RPS6KA2: variants seen among roughly 807,000 people sequenced by gnomAD.
RPS6KA2 encodes ribosomal protein S6 kinase A2.
RPS6KA2 carries 42 observed loss-of-function variants against 91.8 expected under a neutral mutation model. The observed-to-expected ratio is 0.46, with a 90% CI of 0.36 to 0.59. The LOEUF (loss-of-function observed/expected upper bound fraction) is 0.59, where lower values mean the gene tolerates loss of function less well. Ranked by LOEUF, RPS6KA2 falls within the 20% of genes least tolerant of loss-of-function variation. RPS6KA2 has a pLI of 0.00. For synonymous variants in RPS6KA2, 414 were observed against 393.6 expected (o/e 1.05, Z -0.61); for missense variants, 798 against 978.5 (o/e 0.82, Z 2.46).
chr6:166,853,577 T>G (rs1780803258), intron 2 of RPS6KA2, among the ~76,000 whole-genome samples: 2 of 152,158 alleles, frequency 1.3e-5, no homozygotes, highest in East Asian at 3.9e-4. Context: ...CAGAGGAGGC[T>G]GGCCGAGCGC....
intron 2 of RPS6KA2, among the ~76,000 whole-genome samples, chr6:166,798,182 GGAATTTGCTGGTCAAGCTCTTC>G (rs756386768): frequency 6.6e-6 from 1 of 152,206 alleles, no homozygotes; most frequent in Non-Finnish European, 1.5e-5. Context: ...ATTGAACAAT[GGAATTTGCTGGTCAAGCTCTTC>G]AGAGCCCAAT....
At chr6:166,792,178 A>G (rs1410705509) in intron 2 of RPS6KA2, among the ~76,000 whole-genome samples, 2 of 152,242 alleles carry the variant, frequency 1.3e-5, no homozygotes, top group East Asian at 3.8e-4. Context: ...CGATATCATC[A>G]CCAATCCCAC....
At chr6:166,573,791 G>GA (rs1784759564) in intron 1 of RPS6KA2, among the ~76,000 whole-genome samples, 1 of 152,236 alleles carries the variant, frequency 6.6e-6, no homozygotes. Context: ...TCCCAGTTTT[G>GA]AAAAAAGTTA....
chr6:166,862,307 G>A (rs1781066208), exon 1 of RPS6KA2: 2 of 1,549,430 alleles, frequency 1.3e-6, no homozygotes, highest in Non-Finnish European at 8.7e-7. Context: ...TGGCGGCGAT[G>A]GAGAGGACAG....
At chr6:166,422,925 G>A (rs533644233) in intron 17 of RPS6KA2, among the ~76,000 whole-genome samples, 1 of 152,202 alleles carries the variant, frequency 6.6e-6, no homozygotes, top group South Asian at 2.1e-4. Context: ...CGTCCTGGTT[G>A]TATAAGGAGA....
rs566410510 is a variant in RPS6KA2 at position 166,809,902 on chromosome 6, G to C, written c.123+48298C>G. ...GCCTTACTCGTGGCCATGTGATGCTGGGGGAATGAACAGGCATGATGTATT... is the reference window on the plus strand; with the variant it reads ...GCCTTACTCGTGGCCATGTGATGCTCGGGGAATGAACAGGCATGATGTATT... On this transcript the variant is annotated intron_variant, in intron 2 of 21. Transcript: ENST00000503859. 3.3e-5 allele frequency among the ~76,000 whole-genome samples: 5 copies of C among 152,360 alleles called. No individual in the cohort carries two copies. In the South Asian group the frequency reaches 1.0e-3, roughly 32 times the overall value.
At chr6:166,628,883 A>G (rs1786992059), upstream of RPS6KA2, among the ~76,000 whole-genome samples, 1 of 152,258 alleles carries the variant, frequency 6.6e-6, no homozygotes, top group East Asian at 1.9e-4. Context: ...TATAATGACT[A>G]TTCTTTAAAA....
intron 2 of RPS6KA2, among the ~76,000 whole-genome samples, chr6:166,532,454 C>T (rs562436586): frequency 3.3e-5 from 5 of 152,204 alleles, no homozygotes; most frequent in Non-Finnish European, 7.4e-5. Flanking sequence ...ACCGGGAAGA[C>T]GCAAGGTCCC....
Position 166,855,241 on chromosome 6 carries a change from C to T in RPS6KA2, c.123+2959G>A, listed in dbSNP as rs556923893. Among the ~76,000 whole-genome samples the T allele has an allele frequency of 9.2e-5, 14 of 152,228 alleles. 1 individual carries two copies. In the East Asian group the frequency reaches 1.2e-3, roughly 13 times the overall value. On this transcript the variant is annotated intron_variant, in intron 2 of 21. Transcript: ENST00000503859. ...CATGTTGGGTTCTGTGGTCACTGTT[C>T]TGGTAATGGCTATGCTAGAAGTCCA... is the stretch of plus-strand genomic sequence containing the variant.
intron 2 of RPS6KA2, among the ~76,000 whole-genome samples, chr6:166,696,419 A>G (rs1789360800): frequency 6.6e-6 from 1 of 152,210 alleles, no homozygotes; most frequent in African/African-American, 2.4e-5. Context: ...CTTCAGACTA[A>G]TATCTCCACT....
chr6:166,856,488 T>C (rs1331647330), intron 2 of RPS6KA2, among the ~76,000 whole-genome samples: 1 of 152,230 alleles, frequency 6.6e-6, no homozygotes, highest in Non-Finnish European at 1.5e-5. Flanking sequence ...CATTCTGCTA[T>C]GGCAGCCTGA....
intron 1 of RPS6KA2, among the ~76,000 whole-genome samples, chr6:166,541,518 C>T (rs913714100): frequency 1.3e-5 from 2 of 152,182 alleles, no homozygotes; most frequent in South Asian, 2.1e-4. Context: ...GCGAGAGTGA[C>T]AGCATCCGGG....
Position 166,423,367 on chromosome 6 carries a change from C to T in RPS6KA2, c.1632G>A (p.Ser544=), listed in dbSNP as rs780600622. The change falls in exon 17 of 21, where the codon TCG becomes TCA. Residue 544 remains serine (S), a synonymous_variant. Coordinates refer to ENST00000265678, the MANE Select transcript of RPS6KA2 (RefSeq NM_021135.6). The surrounding 1 kb of genome is among the most constrained non-coding windows in gnomAD (Gnocchi z 4.8). ...AGACTCGGATGGATTCTGGGCTCCCCGACTCATCCCTGTACAGGATGTTAC... is the reference window on the plus strand; with the variant it reads ...AGACTCGGATGGATTCTGGGCTCCCTGACTCATCCCTGTACAGGATGTTAC... The part of the protein sequence containing the change: ...KPSNILYRDE[S]GSPESIRVCD... The T allele has an allele frequency of 2.4e-5, 38 of 1,614,074 alleles. No homozygotes were observed. The highest frequency in any genetic ancestry group is 9.9e-5 in the South Asian group (9 of 91,090).
rs148134115 is a variant in RPS6KA2 at position 166,581,969 on chromosome 6, C to A, written c.100-43185G>T. On this transcript the variant is annotated intron_variant, in intron 1 of 20. Coordinates refer to ENST00000265678, the MANE Select transcript of RPS6KA2 (RefSeq NM_021135.6). ...GAGAGGGTGAGATAGGGTGGGACGCCCACTGGGCAGGTGGGCTGGGCAGGA... is the reference window on the plus strand; with the variant it reads ...GAGAGGGTGAGATAGGGTGGGACGCACACTGGGCAGGTGGGCTGGGCAGGA... Among the ~76,000 whole-genome samples the A allele has an allele frequency of 1.8e-4, 13 of 70,464 alleles. No homozygotes were observed. In the East Asian group the frequency reaches 1.9e-3, roughly 10 times the overall value. 46.2% of individuals were successfully genotyped at this position (70,464 alleles called of 152,430 possible). A position where few individuals can be genotyped will look rare whatever the true frequency, so the allele number is the denominator to read the frequency against.
chr6:166,675,772 C>A (rs954695602), intron 2 of RPS6KA2, among the ~76,000 whole-genome samples: 1 of 152,148 alleles, frequency 6.6e-6, no homozygotes, highest in South Asian at 2.1e-4. Flanking sequence ...TATTTTAAAT[C>A]GGGAGGAATG....
intron 14 of RPS6KA2, among the ~76,000 whole-genome samples, chr6:166,439,661 G>A (rs1779457571): frequency 1.3e-5 from 2 of 152,222 alleles, no homozygotes; most frequent in African/African-American, 2.4e-5. Flanking sequence ...ATGTGGGTGA[G>A]GGGGGCTGCT....
chr6:166,589,816 T>A (rs1785299397), intron 1 of RPS6KA2, among the ~76,000 whole-genome samples: 1 of 152,200 alleles, frequency 6.6e-6, no homozygotes, highest in South Asian at 2.1e-4. Flanking sequence ...TTTTCAAAAT[T>A]TCTAACTCCT....
rs1778624312 is a variant in RPS6KA2, at chr6:166,418,735, G to T, written c.1821-393C>A. ...ACGGTGGATGTATTCCCAACTCTGT[G>T]TTCTTTGACAAGTTAACTTTTTGAG... On this transcript the variant is annotated intron_variant, in intron 18 of 20. Transcript: ENST00000265678. The surrounding 1 kb of genome is among the most constrained non-coding windows in gnomAD (Gnocchi z 4.9). Among the ~76,000 whole-genome samples the T allele has an allele frequency of 6.6e-6, 1 of 152,252 alleles. No homozygotes were observed. The highest frequency in any genetic ancestry group is 1.5e-5 in the Non-Finnish European group (1 of 68,044).
chr6:166,448,587 T>G lies in RPS6KA2; in HGVS notation c.1332+137A>C, dbSNP rs1779751402. On this transcript the variant is annotated intron_variant, in intron 14 of 20. Transcript: ENST00000265678. This position sits in a 1 kb window ranked among gnomAD's most constrained non-coding sequence, Gnocchi z 4.7. ...TGTGCTCCTATGCTCCGTGCTCCCA[T>G]GTGCTGTACATGCTCCCACACGCTG... 4 of 1,096,304 alleles carry G rather than the reference T, an allele frequency of 3.6e-6. No homozygotes were observed. The highest frequency in any genetic ancestry group is 2.7e-5 in the East Asian group (1 of 37,448). The allele number at this position is 1,096,304 out of a possible 1,614,324, so 67.9% of individuals were successfully genotyped here.
Sources: gnomAD v4.1 joint callset for allele counts (sites outside exome capture counted in the v4.1 genomes callset) on GRCh38, gnomAD v4.1.1 for gene constraint, Gnocchi (gnomAD v3.1) non-coding constraint, MANE v1.5 for transcripts, NCBI Gene and HGNC (gene_info 2026-07-23, HGNC 2026-07-21) for gene names.